SLC1A1: variants seen among roughly 807,000 people sequenced by gnomAD.
SLC1A1 encodes solute carrier family 1 member 1, also known as excitatory amino acid transporter 3.
In SLC1A1, 43 loss-of-function variants were observed where a neutral mutation model predicts 53.3. That is an observed-to-expected ratio of 0.81 (90% CI 0.63 to 1.04). The LOEUF is 1.04. Among genes scored for constraint, SLC1A1 ranks in the 50% least tolerant of loss-of-function variants. The pLI is 0.00. For synonymous variants in SLC1A1, 307 were observed against 243.2 expected, an observed-to-expected ratio of 1.26 and a Z score of -2.44; for missense variants, 748 against 664.9, an observed-to-expected ratio of 1.12 and a Z score of -1.37.
intron 6 of SLC1A1, among the ~76,000 whole-genome samples, chr9:4,571,441 T>C (rs1485784191): frequency 1.3e-5 from 2 of 152,120 alleles, no homozygotes; most frequent in Non-Finnish European, 2.9e-5. Flanking sequence ...TTTGAGAGGC[T>C]GAGGTGGGCG....
At chr9:4,513,082 A>G (rs2130816873) in intron 1 of SLC1A1, among the ~76,000 whole-genome samples, 1 of 152,348 alleles carries the variant, frequency 6.6e-6, no homozygotes, top group Non-Finnish European at 1.5e-5. Context: ...TAACTCCAAA[A>G]GGAAAAGAGT....
chr9:4,566,382 A>G lies in SLC1A1; in HGVS notation c.483+293A>G, dbSNP rs568090619. Among the ~76,000 whole-genome samples, 4 of 152,354 alleles carry G rather than the reference A, an allele frequency of 2.6e-5. No homozygotes were observed. In the South Asian group the frequency reaches 8.3e-4, roughly 32 times the overall value. On this transcript the variant is annotated intron_variant, in intron 5 of 11. Transcript: ENST00000262352. Reference sequence around the variant, plus strand: ...TCTGTCAAATAATGAGTATTTTAAAATGTGGCCTCCAGTACCTATTTTTGG... The same window carrying G: ...TCTGTCAAATAATGAGTATTTTAAAGTGTGGCCTCCAGTACCTATTTTTGG...
chr9:4,559,565 C>A, intron 2 of SLC1A1, among the ~76,000 whole-genome samples: 1 of 151,956 alleles, frequency 6.6e-6, no homozygotes, highest in East Asian at 1.9e-4. Flanking sequence ...ATGGATAGGC[C>A]TTTTAGTGTG....
chr9:4,518,578 C>A (rs1815948918), intron 1 of SLC1A1, among the ~76,000 whole-genome samples: 1 of 152,140 alleles, frequency 6.6e-6, no homozygotes, highest in African/African-American at 2.4e-5. Flanking sequence ...CTGTAGACAT[C>A]TTTCATTTGC....
At chr9:4,572,675 G>C (rs1206267590) in intron 7 of SLC1A1, among the ~76,000 whole-genome samples, 2 of 152,178 alleles carry the variant, frequency 1.3e-5, no homozygotes, top group African/African-American at 4.8e-5. Context: ...AGCTACCTGA[G>C]TAGCTGGGAC....
chr9:4,544,554 T>C lies in SLC1A1; in HGVS notation c.92-13T>C. ...TGTTCCTCTTCCTTCTTTCCAACTC[T>C]TGTTTTCCTTAGGCATTACCACAGG... On this transcript the variant is annotated splice_polypyrimidine_tract_variant and intron_variant, in intron 1 of 11. Coordinates refer to ENST00000262352, the MANE Select transcript of SLC1A1 (RefSeq NM_004170.6). 1.2e-6 allele frequency: 2 copies of C among 1,612,454 alleles called. No individual in the cohort carries two copies. Among genetic ancestry groups the C allele is most frequent in the African/African-American group, 1.3e-5 (1 of 75,024 alleles).
At chr9:4,579,395 G>A (rs1250533033) in intron 10 of SLC1A1, among the ~76,000 whole-genome samples, 1 of 152,170 alleles carries the variant, frequency 6.6e-6, no homozygotes, top group Non-Finnish European at 1.5e-5. Flanking sequence ...TCCAAGGAGT[G>A]GTTTATGAAG....
At chr9:4,499,022 A>T (rs1297512814) in intron 1 of SLC1A1, among the ~76,000 whole-genome samples, 1 of 140,036 alleles carries the variant, frequency 7.1e-6, no homozygotes. Context: ...TATATATAAG[A>T]TTACATATTA....
intron 10 of SLC1A1, among the ~76,000 whole-genome samples, chr9:4,581,819 A>G (rs1821125831): frequency 6.6e-6 from 1 of 152,180 alleles, no homozygotes; most frequent in Non-Finnish European, 1.5e-5. Context: ...ATGAAAATAC[A>G]CTTGTCAAAA....
chr9:4,572,145 G>A, intron 6 of SLC1A1, 59 bp from the exon 7 acceptor site: 2 of 1,440,326 alleles, frequency 1.4e-6, no homozygotes, highest in Non-Finnish European at 2.0e-6. Context: ...TTCTGGACCT[G>A]TGCTTTCTAA....
intron 1 of SLC1A1, among the ~76,000 whole-genome samples, chr9:4,496,301 TGA>T (rs1172943556): frequency 6.6e-6 from 1 of 152,148 alleles, no homozygotes; most frequent in Admixed American, 6.5e-5. Flanking sequence ...GACAGGGATG[TGA>T]CCTTCTGGGC....
chr9:4,583,295 A>C lies in SLC1A1; in HGVS notation c.1328+123A>C. ...CTAATGAGCCACCTGTTGCTGCTTT[A>C]ATTTTCCTCTGACCAGGCCATCTGA... On this transcript the variant is annotated intron_variant, in intron 11 of 11. Transcript: ENST00000262352. This position sits in a 1 kb window ranked among gnomAD's most constrained non-coding sequence, Gnocchi z 4.6. 1 of 1,251,858 alleles carries C rather than the reference A, an allele frequency of 8.0e-7. No homozygotes were observed. Among genetic ancestry groups the C allele is most frequent in the East Asian group, 2.3e-5 (1 of 43,138 alleles). The allele number at this position is 1,251,858 out of a possible 1,614,324, so 77.5% of individuals were successfully genotyped here.
intron 6 of SLC1A1, among the ~76,000 whole-genome samples, chr9:4,570,184 T>A (rs895600077): frequency 6.6e-6 from 1 of 152,178 alleles, no homozygotes; most frequent in African/African-American, 2.4e-5. Flanking sequence ...TTGTATCTCA[T>A]AGTTTGGGCG....
chr9:4,544,899 T>C (rs1162178738), intron 2 of SLC1A1, among the ~76,000 whole-genome samples, 192 bp downstream of exon 2: 1 of 152,062 alleles, frequency 6.6e-6, no homozygotes, highest in African/African-American at 2.4e-5. Context: ...CTTCACAAGG[T>C]GGCAGGAAGG....
intron 1 of SLC1A1, among the ~76,000 whole-genome samples, chr9:4,496,427 C>T (rs555472501): frequency 8.6e-5 from 13 of 151,880 alleles, no homozygotes; most frequent in African/African-American, 3.1e-4. Context: ...GTTTTGTTGC[C>T]CAGGCTGGTC....
intron 4 of SLC1A1, among the ~76,000 whole-genome samples, 190 bp downstream of exon 4, chr9:4,564,648 G>C (rs1586809197): frequency 6.6e-6 from 1 of 152,182 alleles, no homozygotes; most frequent in African/African-American, 2.4e-5. Flanking sequence ...GGTTCCAAGA[G>C]GGAAGGGAAG....
chr9:4,558,292 C>G (rs894463072), intron 2 of SLC1A1, among the ~76,000 whole-genome samples: 2 of 152,124 alleles, frequency 1.3e-5, no homozygotes, highest in Non-Finnish European at 2.9e-5. Context: ...AGCTCTGCCC[C>G]CATGTTGATG....
intron 6 of SLC1A1, among the ~76,000 whole-genome samples, chr9:4,569,807 C>T (rs544999082): frequency 4.6e-5 from 7 of 152,150 alleles, no homozygotes; most frequent in Admixed American, 4.6e-4. Context: ...CTTATTCCTG[C>T]CTTTTGATGT....
intron 1 of SLC1A1, among the ~76,000 whole-genome samples, chr9:4,493,278 G>A (rs773102490): frequency 4.6e-5 from 7 of 152,170 alleles, no homozygotes; most frequent in Non-Finnish European, 1.0e-4. Context: ...CCATTAACAG[G>A]GGTCCTTTTC....
Sources: allele counts gnomAD v4.1 joint callset (sites outside exome capture counted in the v4.1 genomes callset), GRCh38; gene constraint gnomAD v4.1.1; non-coding constraint Gnocchi (gnomAD v3.1); transcripts MANE v1.5; gene names NCBI Gene and HGNC (gene_info 2026-07-23, HGNC 2026-07-21).